The following ZDHHC2 variants were observed in gnomAD, a reference collection of about 807,000 sequenced individuals.
ZDHHC2 encodes zDHHC palmitoyltransferase 2, also known as palmitoyltransferase ZDHHC2.
ZDHHC2 carries 51 observed loss-of-function variants against 55.6 expected under a neutral mutation model. That is an observed-to-expected ratio of 0.92 (90% CI 0.73 to 1.16). The LOEUF (loss-of-function observed/expected upper bound fraction) is 1.16, where lower values mean the gene tolerates loss of function less well. Among genes scored for constraint, ZDHHC2 ranks in the 50% most tolerant of loss-of-function variants. The pLI, the probability that ZDHHC2 is intolerant of heterozygous loss-of-function variation, is 0.00. For synonymous variants in ZDHHC2, 199 were observed against 152.9 expected (o/e 1.30, Z -2.22); for missense variants, 491 against 442.4 (o/e 1.11, Z -0.99).
chr8:17,192,327 G>A (rs1046773944), intron 3 of ZDHHC2, among the ~76,000 whole-genome samples: 4 of 152,282 alleles, frequency 2.6e-5, no homozygotes, highest in South Asian at 4.2e-4. Flanking sequence ...ACTGGGGTAC[G>A]ATGATAACTC....
At position 17,210,198 on chromosome 8, in the gene ZDHHC2, T is replaced by G. The variant is rs1807307397; in HGVS notation, c.857+140T>G. The G allele has an allele frequency of 5.3e-6, 6 of 1,138,504 alleles. No homozygotes were observed. The South Asian group carries it at 1.0e-4, about 19-fold the overall frequency. 70.5% of individuals were successfully genotyped at this position (1,138,504 alleles called of 1,614,324 possible). A position where few individuals can be genotyped will look rare whatever the true frequency, so the allele number is the denominator to read the frequency against. ...TTTTTAAAAAATATTATTCTATGAT[T>G]CACCATAATATCAGTGTGGAAGTCA... On this transcript the variant is annotated intron_variant, in intron 9 of 12. Transcript: ENST00000262096.
intron 4 of ZDHHC2, 52 bp from the exon 5 acceptor site, chr8:17,197,530 T>C (rs1297324343): frequency 1.4e-6 from 2 of 1,442,706 alleles, no homozygotes; most frequent in African/African-American, 1.4e-5. Flanking sequence ...CATTTAATTG[T>C]ATTTTCAATT....
At chr8:17,168,459 C>T (rs917700101) in intron 1 of ZDHHC2, among the ~76,000 whole-genome samples, 1 of 152,120 alleles carries the variant, frequency 6.6e-6, no homozygotes, top group African/African-American at 2.4e-5. Context: ...AGCCCTAGAG[C>T]AGATTTTTTT....
At chr8:17,167,087 A>G (rs1034822183) in intron 1 of ZDHHC2, among the ~76,000 whole-genome samples, 1 of 152,176 alleles carries the variant, frequency 6.6e-6, no homozygotes, top group Non-Finnish European at 1.5e-5. Context: ...TATCTAACAC[A>G]GAGGTTAACA....
intron 7 of ZDHHC2, among the ~76,000 whole-genome samples, chr8:17,207,228 G>C (rs1447085999): frequency 6.6e-6 from 1 of 152,210 alleles, no homozygotes; most frequent in African/African-American, 2.4e-5. Flanking sequence ...CCTCGTGGCA[G>C]CCATGGTGCT....
intron 1 of ZDHHC2, chr8:17,162,915 C>T (rs2517066): frequency 0.66 from 101,018 of 152,190 alleles, 33,889 homozygotes; most frequent in East Asian, 0.96. Context: ...TTTTAAGTCA[C>T]GTTACAGATC....
chr8:17,212,914 G>A (rs544356561), intron 10 of ZDHHC2, among the ~76,000 whole-genome samples: 29 of 152,176 alleles, frequency 1.9e-4, no homozygotes, highest in African/African-American at 7.0e-4. Flanking sequence ...CCAGGCCGGA[G>A]TGCAGTTTTG....
At chr8:17,211,943 A>G (rs892856952) in intron 10 of ZDHHC2, among the ~76,000 whole-genome samples, 2 of 152,202 alleles carry the variant, frequency 1.3e-5, no homozygotes, top group African/African-American at 2.4e-5. Context: ...GTAGTAGTTT[A>G]TAATACTTTT....
intron 1 of ZDHHC2, chr8:17,157,617 AAG>A (rs1311379421): frequency 6.6e-6 from 1 of 152,214 alleles, no homozygotes; most frequent in Non-Finnish European, 1.5e-5. Context: ...ATTTTTTAAA[AAG>A]TTGATTATTA....
intron 1 of ZDHHC2, among the ~76,000 whole-genome samples, chr8:17,167,899 A>C (rs1761534458): frequency 1.3e-5 from 2 of 152,316 alleles, no homozygotes; most frequent in South Asian, 2.1e-4. Context: ...CATTGCCTAG[A>C]GATAACTGTA....
chr8:17,180,195 A>T (rs144042383), intron 1 of ZDHHC2, among the ~76,000 whole-genome samples: 12 of 152,284 alleles, frequency 7.9e-5, no homozygotes, highest in African/African-American at 2.9e-4. Context: ...TTATTCATTA[A>T]GTTAAACAGT....
intron 1 of ZDHHC2, among the ~76,000 whole-genome samples, chr8:17,168,562 A>C (rs996044252): frequency 1.3e-5 from 2 of 152,140 alleles, no homozygotes; most frequent in African/African-American, 4.8e-5. Context: ...AGTACATTCA[A>C]AATGCTGTGC....
At chr8:17,177,908 G>A (rs906446027) in intron 1 of ZDHHC2, among the ~76,000 whole-genome samples, 13 of 152,136 alleles carry the variant, frequency 8.5e-5, no homozygotes, top group African/African-American at 3.1e-4. Context: ...CTCCAAAGGA[G>A]AGAGATTGAA....
Position 17,220,371 on chromosome 8 carries a change from GC to G in ZDHHC2, c.*152del, listed in dbSNP as rs1807867193. The stretch of plus-strand genomic sequence containing the variant: ...ATATGAATTGATTAGTTCTCTCCAA[GC>G]CATTGCTTAAAATATAACATGTTTT... On this transcript the variant is annotated 3_prime_UTR_variant, in exon 13 of 13. Coordinates refer to ENST00000262096, the MANE Select transcript of ZDHHC2 (RefSeq NM_016353.5). 1 of 151,722 alleles carries G rather than the reference GC, an allele frequency of 6.6e-6. No homozygotes were observed. Among genetic ancestry groups the G allele is most frequent in the Non-Finnish European group, 1.5e-5 (1 of 67,800 alleles). 9.4% of individuals were successfully genotyped at this position (151,722 alleles called of 1,614,324 possible). A position where few individuals can be genotyped will look rare whatever the true frequency, so the allele number is the denominator to read the frequency against.
chr8:17,197,140 C>A (rs1806359263), intron 4 of ZDHHC2, among the ~76,000 whole-genome samples: 1 of 152,140 alleles, frequency 6.6e-6, no homozygotes, highest in African/African-American at 2.4e-5. Context: ...TAAATCATTG[C>A]TGAGTTTCCA....
At chr8:17,207,344 T>A (rs6997380) in intron 7 of ZDHHC2, among the ~76,000 whole-genome samples, 1 of 151,994 alleles carries the variant, frequency 6.6e-6, no homozygotes, top group Non-Finnish European at 1.5e-5. Flanking sequence ...TTCTTTGAGA[T>A]GGACTGTTTC....
chr8:17,218,887 T>G (rs1807772285), intron 12 of ZDHHC2, among the ~76,000 whole-genome samples: 1 of 152,180 alleles, frequency 6.6e-6, no homozygotes, highest in African/African-American at 2.4e-5. Flanking sequence ...ACATCTCAGA[T>G]TTGCAATTCA....
chr8:17,162,116 C>G (rs1271791216), intron 1 of ZDHHC2, among the ~76,000 whole-genome samples: 1 of 152,188 alleles, frequency 6.6e-6, no homozygotes, highest in Non-Finnish European at 1.5e-5. Context: ...AGAAAGGACT[C>G]TGCTTAATGC....
chr8:17,214,259 C>G (rs56692899), intron 10 of ZDHHC2, among the ~76,000 whole-genome samples: 19,148 of 152,074 alleles, frequency 0.13, 1,626 homozygotes, highest in East Asian at 0.3. Flanking sequence ...AAAGAAAATT[C>G]TTCTTAGAAG....
Sources: gnomAD v4.1 joint callset for allele counts (sites outside exome capture counted in the v4.1 genomes callset) on GRCh38, gnomAD v4.1.1 for gene constraint, MANE v1.5 for transcripts, NCBI Gene and HGNC (gene_info 2026-07-23, HGNC 2026-07-21) for gene names.